The following KIAA1614 variants were observed in gnomAD, a reference collection of about 807,000 sequenced individuals.
KIAA1614 encodes uncharacterized protein KIAA1614.
KIAA1614 carries 76 observed loss-of-function variants against 88.7 expected under a neutral mutation model. That is an observed-to-expected ratio of 0.86 (90% CI 0.71 to 1.04). The LOEUF (loss-of-function observed/expected upper bound fraction) is 1.04. Ranked by LOEUF, KIAA1614 falls within the 50% of genes least tolerant of loss-of-function variation. The probability of loss-of-function intolerance (pLI) is 0.00; values close to 1 mark genes in which losing one functional copy is unlikely to be tolerated. For synonymous variants in KIAA1614, 714 were observed against 675.5 expected, an observed-to-expected ratio of 1.06 and a Z score of -0.88; for missense variants, 1,553 against 1,582.5, an observed-to-expected ratio of 0.98 and a Z score of 0.32.
intron 3 of KIAA1614, among the ~76,000 whole-genome samples, chr1:180,922,641 T>G (rs952106053): frequency 6.6e-6 from 1 of 152,194 alleles, no homozygotes; most frequent in African/African-American, 2.4e-5. Context: ...TAATTAGCAT[T>G]TTTGGAAACT....
At chr1:180,925,317 C>A (rs1373532596) in intron 3 of KIAA1614, among the ~76,000 whole-genome samples, 2 of 152,180 alleles carry the variant, frequency 1.3e-5, no homozygotes, top group African/African-American at 4.8e-5. Flanking sequence ...GAGCTCTATC[C>A]GTGGTCATCA....
chr1:180,916,778 T>C lies in KIAA1614; in HGVS notation c.675T>C (p.Gly225=). The part of the protein sequence containing the change: ...GVTPGRPGGP[G]HCNKIIHIPS... ...CTCCCGGACGGCCTGGGGGTCCTGG[T>C]CATTGTAACAAAATCATCCACATTC... Residue 225 remains glycine (G), a synonymous_variant, in exon 2 of 9, where the codon GGT becomes GGC. Coordinates refer to ENST00000367588, the MANE Select transcript of KIAA1614 (RefSeq NM_020950.2). 1.9e-6 allele frequency: 3 copies of C among 1,614,156 alleles called. No homozygotes were observed. The highest frequency in any genetic ancestry group is 2.5e-6 in the Non-Finnish European group (3 of 1,180,016).
Position 180,935,426 on chromosome 1 carries a change from A to G in KIAA1614, c.1517A>G (p.Asp506Gly), listed in dbSNP as rs1261226432. 1 of 1,471,822 alleles carries G rather than the reference A, an allele frequency of 6.8e-7. No homozygotes were observed. Among genetic ancestry groups the G allele is most frequent in the African/African-American group, 1.4e-5 (1 of 70,336 alleles). 91.2% of individuals were successfully genotyped at this position (1,471,822 alleles called of 1,614,324 possible). A position where few individuals can be genotyped will look rare whatever the true frequency, so the allele number is the denominator to read the frequency against. ...ATCAACGGGGCTCCCCGGCTCCGGG[A>G]CGCGGGGCAGGGGACATTCCACAGG... ...DYINGAPRLRDAGQGTFHRLV... is the reference protein window; with the variant it reads ...DYINGAPRLRGAGQGTFHRLV... The change falls in exon 5 of 9, where the codon GAC (aspartate) becomes GGC (glycine). Residue 506 changes from aspartate to glycine, a missense_variant. Transcript: ENST00000367588. The surrounding 1 kb of genome is among the most constrained non-coding windows in gnomAD (Gnocchi z 6.1).
intron 7 of KIAA1614, 22 bp downstream of exon 7, chr1:180,941,307 C>G (rs924687076): frequency 6.3e-7 from 1 of 1,588,556 alleles, no homozygotes; most frequent in Non-Finnish European, 8.6e-7. Context: ...GGCCCCAGCC[C>G]AGGGAGTGAA....
chr1:180,917,807 G>C (rs1653852904), intron 2 of KIAA1614, 44 bp from the exon 3 acceptor site: 4 of 1,546,890 alleles, frequency 2.6e-6, no homozygotes, highest in Non-Finnish European at 3.6e-6. Context: ...TGAGAGCCCT[G>C]TTTCTGGCTC....
At chr1:180,937,259 T>G (rs1654354630) in intron 5 of KIAA1614, among the ~76,000 whole-genome samples, 1 of 152,258 alleles carries the variant, frequency 6.6e-6, no homozygotes, top group Non-Finnish European at 1.5e-5. Flanking sequence ...AGTCCTGCCC[T>G]TGAGGCATTC....
In KIAA1614 at chr1:180,950,608, C is replaced by A; in HGVS notation, c.*5020C>A. 1 of 784,304 alleles carries A rather than the reference C, an allele frequency of 1.3e-6. No homozygotes were observed. The highest frequency in any genetic ancestry group is 1.6e-6 in the Non-Finnish European group (1 of 623,848). The allele number at this position is 784,304 out of a possible 1,614,324, so 48.6% of individuals were successfully genotyped here. ...ACTCAGGGTGGTTGGCAGGAACGTGCTGCACAGAGCTGCTCTGTGGCGGAA... is the reference window on the plus strand; with the variant it reads ...ACTCAGGGTGGTTGGCAGGAACGTGATGCACAGAGCTGCTCTGTGGCGGAA... On this transcript the variant is annotated 3_prime_UTR_variant, in exon 9 of 9. Coordinates refer to ENST00000367588, the MANE Select transcript of KIAA1614 (RefSeq NM_020950.2).
chr1:180,917,790 T>C, intron 2 of KIAA1614, 61 bp from the exon 3 acceptor site: 1 of 1,335,068 alleles, frequency 7.5e-7, no homozygotes, highest in Non-Finnish European at 1.1e-6. Context: ...GTTCACTAAG[T>C]GGCAGCTGAG....
chr1:180,920,183 C>T lies in KIAA1614; in HGVS notation c.1061+2269C>T, dbSNP rs150253095. Among the ~76,000 whole-genome samples, 252 of 152,314 alleles carry T rather than the reference C, an allele frequency of 1.7e-3. 1 individual carries two copies. Among genetic ancestry groups the T allele is most frequent in the African/African-American group, 5.4e-3 (223 of 41,582 alleles). ...CCTGTCTGGCTCTATCCCCGAGTCT[C>T]CTGGGCAGACATTAAAGGTGGTCCC... On this transcript the variant is annotated intron_variant, in intron 3 of 8. Coordinates refer to ENST00000367588, the MANE Select transcript of KIAA1614 (RefSeq NM_020950.2).
At chr1:180,914,968 A>G (rs1376494970) in intron 1 of KIAA1614, among the ~76,000 whole-genome samples, 2 of 151,456 alleles carry the variant, frequency 1.3e-5, no homozygotes, top group East Asian at 1.9e-4. Context: ...CGCCTAGCCA[A>G]TTTTTTGTAT....
rs771572430 is a variant in KIAA1614, at chr1:180,916,246, A to AC, written c.149dup (p.Arg51LysfsTer99). On this transcript the variant is annotated frameshift_variant, in exon 2 of 9. Transcript: ENST00000367588. LOFTEE classifies it high-confidence loss of function. ...CCTGAGCCACAGCTGGATAACGGAC[A>AC]CCCCCCAAGACCCTGGCCTTGCCCT... The AC allele has an allele frequency of 2.5e-6, 4 of 1,612,948 alleles. No individual in the cohort carries two copies. Among genetic ancestry groups the AC allele is most frequent in the African/African-American group, 1.3e-5 (1 of 74,754 alleles).
intron 3 of KIAA1614, among the ~76,000 whole-genome samples, chr1:180,924,559 A>T (rs2102261322): frequency 6.6e-6 from 1 of 151,624 alleles, no homozygotes; most frequent in East Asian, 1.9e-4. Context: ...ATTCCTAAGG[A>T]CTCCCACTCC....
Position 180,947,732 on chromosome 1 carries a change from A to T in KIAA1614, c.*2144A>T, listed in dbSNP as rs1380799964. On this transcript the variant is annotated 3_prime_UTR_variant, in exon 9 of 9. Transcript: ENST00000367588. The stretch of plus-strand genomic sequence containing the variant: ...GGCTATGTGATCTAGAGCAGGCGAC[A>T]TCCCCACTGAGCCTCACTCAGTTCC... 1 of 152,234 alleles carries T rather than the reference A, an allele frequency of 6.6e-6. No individual in the cohort carries two copies. The highest frequency in any genetic ancestry group is 1.9e-4 in the East Asian group (1 of 5,194). The allele number at this position is 152,234 out of a possible 1,614,324, so 9.4% of individuals were successfully genotyped here. A position where few individuals can be genotyped will look rare whatever the true frequency, so the allele number is the denominator to read the frequency against.
At chr1:180,923,732 A>C (rs956383547) in intron 3 of KIAA1614, among the ~76,000 whole-genome samples, 3 of 152,082 alleles carry the variant, frequency 2.0e-5, no homozygotes, top group Non-Finnish European at 4.4e-5. Flanking sequence ...CTCAGCAAGG[A>C]GGCATGGGGA....
chr1:180,916,930 G>A lies in KIAA1614; in HGVS notation c.827G>A (p.Trp276Ter). 6 of 1,614,232 alleles carry A rather than the reference G, an allele frequency of 3.7e-6. No homozygotes were observed. Among genetic ancestry groups the A allele is most frequent in the Non-Finnish European group, 5.1e-6 (6 of 1,180,046 alleles). ...VPRTALLGERWRAGDLEALGA... is the reference protein window; with the variant it reads ...VPRTALLGER Reference sequence around the variant, plus strand: ...AGGACGGCCCTGCTGGGTGAGCGCTGGAGAGCTGGAGACCTGGAGGCTCTG... The same window carrying A: ...AGGACGGCCCTGCTGGGTGAGCGCTAGAGAGCTGGAGACCTGGAGGCTCTG... The change falls in exon 2 of 9, where the codon TGG becomes TAG. Residue 276 changes from tryptophan to a stop codon, truncating the protein, a stop_gained. Transcript: ENST00000367588. LOFTEE classifies it high-confidence loss of function.
chr1:180,923,921 A>G (rs563022014), intron 3 of KIAA1614, among the ~76,000 whole-genome samples: 2 of 151,872 alleles, frequency 1.3e-5, no homozygotes, highest in Non-Finnish European at 2.9e-5. Context: ...CCACTGATAT[A>G]CACGCACAAA....
chr1:180,922,636 A>G (rs1270724972), intron 3 of KIAA1614, among the ~76,000 whole-genome samples: 1 of 152,214 alleles, frequency 6.6e-6, no homozygotes, highest in Non-Finnish European at 1.5e-5. Flanking sequence ...TATGTTAATT[A>G]GCATTTTTGG....
At chr1:180,914,652 T>A (rs1653738221) in intron 1 of KIAA1614, among the ~76,000 whole-genome samples, 1 of 151,526 alleles carries the variant, frequency 6.6e-6, no homozygotes. Flanking sequence ...TGGGTTCAAG[T>A]GATTCTCCTG....
chr1:180,938,566 G>T lies in KIAA1614; in HGVS notation c.2773G>T (p.Gly925Cys). ...TGTGCTTGTTTCAGGAGGACCCCAG[G>T]GCTTTCTTGGCTCAGCAGATGTTGC... ...LENSRDGGPQ[G>C]FLGSADVATI... Residue 925 changes from glycine (G) to cysteine (C), a missense_variant, in exon 6 of 9, where the codon GGC (glycine) becomes TGC (cysteine). By Grantham distance (159) the Gly-to-Cys change is radical. Coordinates refer to ENST00000367588, the MANE Select transcript of KIAA1614 (RefSeq NM_020950.2). 1 of 1,614,034 alleles carries T rather than the reference G, an allele frequency of 6.2e-7. No individual in the cohort carries two copies. The highest frequency in any genetic ancestry group is 8.5e-7 in the Non-Finnish European group (1 of 1,179,952).
Sources: gnomAD v4.1 joint callset for allele counts (sites outside exome capture counted in the v4.1 genomes callset) on GRCh38, gnomAD v4.1.1 for gene constraint, Gnocchi (gnomAD v3.1) non-coding constraint, MANE v1.5 for transcripts, NCBI Gene and HGNC (gene_info 2026-07-23, HGNC 2026-07-21) for gene names.